Variants in BEND7 observed in about 807,000 individuals in gnomAD.
BEND7 encodes BEN domain containing 7.
In BEND7, 28 loss-of-function variants were observed where a neutral mutation model predicts 50.9. The ratio of observed to expected loss-of-function variants is 0.55; its 90% confidence interval spans 0.41 to 0.75. BEND7 has a LOEUF of 0.75. BEND7 is among the 30% of genes least tolerant of loss of function. The pLI is 0.00. For missense variants in BEND7, 477 were observed against 491.3 expected (o/e 0.97, Z 0.28); for synonymous variants, 170 against 183.9 (o/e 0.92, Z 0.61).
At chr10:13,523,169 C>A (rs1271866098) in intron 2 of BEND7, among the ~76,000 whole-genome samples, 1 of 152,212 alleles carries the variant, frequency 6.6e-6, no homozygotes, top group African/African-American at 2.4e-5. Context: ...ACTGGCTGAA[C>A]TGATTTAAGA....
chr10:13,507,280 C>T (rs6602663), intron 2 of BEND7, among the ~76,000 whole-genome samples: 119,525 of 152,052 alleles, frequency 0.79, 47,197 homozygotes, highest in Non-Finnish European at 0.81. Flanking sequence ...CCTGAGGCAA[C>T]TATCCTCTTG....
rs191492430 is a variant in BEND7 at position 13,468,520 on chromosome 10, G to A, written c.1063+12379C>T. 7.9e-5 allele frequency among the ~76,000 whole-genome samples: 12 copies of A among 152,304 alleles called. No individual in the cohort carries two copies. The East Asian group carries it at 2.1e-3, about 27-fold the overall frequency. ...AAAGGCCAGAGTTCGGACTGAATAGGCCAAGGGGAAGTAAGTAGGAAAACG... is the reference window on the plus strand; with the variant it reads ...AAAGGCCAGAGTTCGGACTGAATAGACCAAGGGGAAGTAAGTAGGAAAACG... On this transcript the variant is annotated intron_variant, in intron 6 of 8. Coordinates refer to ENST00000466271, the MANE Select transcript of BEND7 (RefSeq NM_001369863.1).
intron 7 of BEND7, among the ~76,000 whole-genome samples, chr10:13,447,536 C>CTTTTTTTTTTTT (rs11346528): frequency 3.5e-5 from 3 of 86,110 alleles, no homozygotes; most frequent in Admixed American, 1.7e-4. Context: ...CGTATTAAAA[C>CTTTTTTTTTTTT]TTTTTTTTTT....
intron 1 of BEND7, among the ~76,000 whole-genome samples, chr10:13,526,494 C>T (rs1307615046): frequency 6.6e-6 from 1 of 152,152 alleles, no homozygotes; most frequent in Non-Finnish European, 1.5e-5. Context: ...CCACAGATGC[C>T]AATTTTTAGG....
chr10:13,453,535 GA>G (rs1838265508), intron 6 of BEND7, among the ~76,000 whole-genome samples: 1 of 152,132 alleles, frequency 6.6e-6, no homozygotes, highest in Non-Finnish European at 1.5e-5. Context: ...TCTATTGAAT[GA>G]AAAATAAGAC....
At chr10:13,443,753 T>C (rs1835716733) in intron 8 of BEND7, 1 of 152,306 alleles carries the variant, frequency 6.6e-6, no homozygotes, top group Non-Finnish European at 1.5e-5. Context: ...ATATGAAGAT[T>C]TGCCATAGAG....
downstream of BEND7, chr10:13,439,317 G>A (rs1835060509): frequency 6.2e-7 from 1 of 1,614,148 alleles, no homozygotes; most frequent in African/African-American, 1.3e-5. Flanking sequence ...GCTGGTTTGG[G>A]ACAAAGCTCC....
chr10:13,451,602 G>C (rs562881215), intron 7 of BEND7, among the ~76,000 whole-genome samples: 9 of 152,186 alleles, frequency 5.9e-5, no homozygotes, highest in African/African-American at 1.9e-4. Context: ...GCCTCCTAGA[G>C]ATAGTTATTC....
At chr10:13,517,731 G>A (rs569925059) in intron 2 of BEND7, among the ~76,000 whole-genome samples, 22 of 152,286 alleles carry the variant, frequency 1.4e-4, no homozygotes, top group South Asian at 6.2e-4. Flanking sequence ...GCAACAGAGC[G>A]AGAGCCTGTC....
At chr10:13,466,394 T>C (rs188196859) in intron 6 of BEND7, among the ~76,000 whole-genome samples, 158 of 152,212 alleles carry the variant, frequency 1.0e-3, no homozygotes, top group African/African-American at 3.8e-3. Flanking sequence ...ACCCTGTCTC[T>C]ATTAGAAATT....
At chr10:13,504,568 G>C (rs140478806) in intron 2 of BEND7, among the ~76,000 whole-genome samples, 3 of 152,180 alleles carry the variant, frequency 2.0e-5, no homozygotes, top group Non-Finnish European at 4.4e-5. Flanking sequence ...ACTTCTACTG[G>C]TATTTCCAGT....
intron 2 of BEND7, among the ~76,000 whole-genome samples, chr10:13,504,191 C>T (rs1171666431): frequency 2.6e-5 from 4 of 152,138 alleles, no homozygotes; most frequent in African/African-American, 7.2e-5. Flanking sequence ...CAGGCCGAGC[C>T]GTAGAAGCTC....
intron 2 of BEND7, among the ~76,000 whole-genome samples, chr10:13,509,695 G>C (rs1424685457): frequency 6.6e-6 from 1 of 152,198 alleles, no homozygotes; most frequent in African/African-American, 2.4e-5. Context: ...CTTTGGGGAG[G>C]AGAAAAGAGA....
intron 6 of BEND7, among the ~76,000 whole-genome samples, chr10:13,471,277 G>A (rs1314970476): frequency 2.0e-5 from 3 of 152,200 alleles, no homozygotes; most frequent in Non-Finnish European, 1.5e-5. Flanking sequence ...GAAATTTCAT[G>A]CCTGCTGATG....
At chr10:13,462,217 G>A (rs560114080) in intron 6 of BEND7, among the ~76,000 whole-genome samples, 8 of 152,242 alleles carry the variant, frequency 5.3e-5, no homozygotes, top group Non-Finnish European at 1.0e-4. Flanking sequence ...AGACATACCC[G>A]AGACTGGGTA....
Position 13,504,936 on chromosome 10 carries a change from G to GATA in BEND7, c.146-4859_146-4857dup, listed in dbSNP as rs545703708. ...TATGACACATAGTCTTGCAGGATCT[G>GATA]ATACATGTGAGGGCAACACAGAAGT... On this transcript the variant is annotated intron_variant, in intron 2 of 8. Transcript: ENST00000466271. Among the ~76,000 whole-genome samples the GATA allele has an allele frequency of 1.6e-3, 238 of 152,294 alleles. 7 individuals are homozygous for GATA. In the South Asian group the frequency reaches 0.038, roughly 24 times the overall value.
intron 2 of BEND7, among the ~76,000 whole-genome samples, chr10:13,518,252 C>A (rs1239060822): frequency 6.6e-6 from 1 of 152,188 alleles, no homozygotes; most frequent in Non-Finnish European, 1.5e-5. Context: ...GGCTTTTCCC[C>A]AGGACAGCTG....
intron 2 of BEND7, among the ~76,000 whole-genome samples, chr10:13,521,906 T>G (rs986733617): frequency 6.6e-6 from 1 of 152,176 alleles, no homozygotes; most frequent in Non-Finnish European, 1.5e-5. Context: ...GAGGAATTGT[T>G]CGAGTGTGTC....
chr10:13,489,625 G>A (rs1254926250), intron 5 of BEND7, among the ~76,000 whole-genome samples: 1 of 152,078 alleles, frequency 6.6e-6, no homozygotes, highest in Non-Finnish European at 1.5e-5. Flanking sequence ...ATGCATTAAC[G>A]TGTATCCTGT....
Sources: gnomAD v4.1 joint callset for allele counts (sites outside exome capture counted in the v4.1 genomes callset) on GRCh38, gnomAD v4.1.1 for gene constraint, MANE v1.5 for transcripts, NCBI Gene and HGNC (gene_info 2026-07-23, HGNC 2026-07-21) for gene names.